The following LPCAT1 variants were observed in gnomAD, a reference collection of about 807,000 sequenced individuals.
LPCAT1 encodes lysophosphatidylcholine acyltransferase 1.
A neutral mutation model predicts 60.9 loss-of-function variants in LPCAT1; 23 were observed. That is an observed-to-expected ratio of 0.38 (90% confidence interval 0.27 to 0.53). LPCAT1 has a LOEUF of 0.53. LPCAT1 is among the 20% of genes least tolerant of loss of function. LPCAT1 has a pLI of 0.82. For synonymous variants in LPCAT1, 340 were observed against 301.1 expected (o/e 1.13, Z -1.34); for missense variants, 622 against 723.6 (o/e 0.86, Z 1.61).
intron 12 of LPCAT1, among the ~76,000 whole-genome samples, chr5:1,469,879 G>A (rs1471211961): frequency 2.0e-5 from 3 of 152,180 alleles, no homozygotes; most frequent in Non-Finnish European, 4.4e-5. Context: ...GGCCCTAGGA[G>A]GCAGGCTGCC....
At chr5:1,493,341 C>T (rs139140008) in intron 3 of LPCAT1, among the ~76,000 whole-genome samples, 516 of 152,402 alleles carry the variant, frequency 3.4e-3, no homozygotes, top group Non-Finnish European at 5.7e-3. Context: ...ACCCCACTTC[C>T]AGCCTTCCTA....
intron 11 of LPCAT1, among the ~76,000 whole-genome samples, chr5:1,471,711 T>G: frequency 7.0e-6 from 1 of 143,146 alleles, no homozygotes. Flanking sequence ...CATCCAGGGG[T>G]AGAGGGAGGG....
At chr5:1,479,212 A>C (rs531787014) in intron 8 of LPCAT1, among the ~76,000 whole-genome samples, 19 of 152,298 alleles carry the variant, frequency 1.2e-4, no homozygotes, top group African/African-American at 4.6e-4. Context: ...CCTAGGCAAC[A>C]AAGTGAGACC....
chr5:1,491,575 G>A (rs1735585024), intron 3 of LPCAT1, among the ~76,000 whole-genome samples: 1 of 152,176 alleles, frequency 6.6e-6, no homozygotes, highest in Non-Finnish European at 1.5e-5. Flanking sequence ...TGCCTTTCAC[G>A]CTGAGAACTG....
intron 2 of LPCAT1, among the ~76,000 whole-genome samples, chr5:1,498,942 C>T (rs7715002): frequency 0.017 from 2,650 of 151,624 alleles, 75 homozygotes; most frequent in African/African-American, 0.059. Context: ...CACATACACA[C>T]CCTCTCTGCA....
intron 8 of LPCAT1, among the ~76,000 whole-genome samples, chr5:1,478,494 C>T (rs1423538326): frequency 6.6e-6 from 1 of 152,256 alleles, no homozygotes; most frequent in East Asian, 1.9e-4. Context: ...CACCAGGGAG[C>T]CCTCAGGAGC....
chr5:1,465,353 C>T (rs753231167), intron 13 of LPCAT1, among the ~76,000 whole-genome samples: 23 of 146,976 alleles, frequency 1.6e-4, no homozygotes, highest in Non-Finnish European at 3.0e-4. Flanking sequence ...AACACACATG[C>T]GCACGCACAA....
At chr5:1,501,664 C>T in intron 1 of LPCAT1, 61 bp from the exon 2 acceptor site, 4 of 1,559,414 alleles carry the variant, frequency 2.6e-6, no homozygotes, top group African/African-American at 1.4e-5. Context: ...AGCTCCCCAC[C>T]CGGCAGAGGC....
At chr5:1,468,343 C>T (rs1330542591) in intron 12 of LPCAT1, among the ~76,000 whole-genome samples, 1 of 152,224 alleles carries the variant, frequency 6.6e-6, no homozygotes, top group African/African-American at 2.4e-5. Flanking sequence ...CACGTTGGTG[C>T]TGCTGGAGCC....
Position 1,501,489 on chromosome 5 carries a change from G to T in LPCAT1, c.250C>A (p.Pro84Thr), listed in dbSNP as rs1242623674. The change falls in exon 2 of 14, where the codon CCC (proline) becomes ACC (threonine). Residue 84 changes from proline to threonine, a missense_variant. Pro to Thr is a conservative substitution (Grantham distance 38, BLOSUM62 -1). Transcript: ENST00000283415. ...CTCCACAGGGCCGGGGGCTGCTCGG[G>T]TTCCTTCTCCGCAGAGCCCAGGGAT... ...VASLGSAEKE[P>T]EQPPALWRKV... 2 of 1,613,452 alleles carry T rather than the reference G, an allele frequency of 1.2e-6. No individual in the cohort carries two copies. Among genetic ancestry groups the T allele is most frequent in the African/African-American group, 2.7e-5 (2 of 74,922 alleles).
At position 1,501,540 on chromosome 5, in the gene LPCAT1, G is replaced by C. The variant is rs150608796; in HGVS notation, c.199C>G (p.Leu67Val). Residue 67 changes from leucine (L) to valine (V), a missense_variant, in exon 2 of 14, where the codon CTG (leucine) becomes GTG (valine). Coordinates refer to ENST00000283415, the MANE Select transcript of LPCAT1 (RefSeq NM_024830.5). ...RLLVAAAMML[L>V]AWPLALVASL... ...GCGACAAGTGCGAGGGGCCAGGCCA[G>C]CAGCATCATGGCAGCGGCAACCAGG... is the stretch of plus-strand genomic sequence containing the variant. 1 of 1,614,044 alleles carries C rather than the reference G, an allele frequency of 6.2e-7. No individual in the cohort carries two copies. The highest frequency in any genetic ancestry group is 8.5e-7 in the Non-Finnish European group (1 of 1,179,950).
intron 5 of LPCAT1, among the ~76,000 whole-genome samples, chr5:1,485,273 A>T (rs1326821523): frequency 6.6e-6 from 1 of 152,162 alleles, no homozygotes; most frequent in Non-Finnish European, 1.5e-5. Flanking sequence ...GACTTCATGG[A>T]AACCCCGGTG....
chr5:1,523,388 T>G lies in LPCAT1; in HGVS notation c.135+322A>C, dbSNP rs1264678248. Among the ~76,000 whole-genome samples, 1 of 150,958 alleles carries G rather than the reference T, an allele frequency of 6.6e-6. No homozygotes were observed. The highest frequency in any genetic ancestry group is 1.9e-4 in the East Asian group (1 of 5,146). On this transcript the variant is annotated intron_variant, in intron 1 of 13. Coordinates refer to ENST00000283415, the MANE Select transcript of LPCAT1 (RefSeq NM_024830.5). This position sits in a 1 kb window ranked among gnomAD's most constrained non-coding sequence, Gnocchi z 7.1. ...GGGCTCTGGGAGGCAGAGAAAGGGTTGTGGGCCCGGTTCAGGGTGCAGGGG... is the reference window on the plus strand; with the variant it reads ...GGGCTCTGGGAGGCAGAGAAAGGGTGGTGGGCCCGGTTCAGGGTGCAGGGG...
At position 1,480,202 on chromosome 5, in the gene LPCAT1, C is replaced by A; in HGVS notation, c.762-527G>T. ...CTGTCATGCCAGCCCCAGCCCTAGG[C>A]CCCCGGGACCCCAGAACCCCTATAC... On this transcript the variant is annotated intron_variant, in intron 7 of 13. Coordinates refer to ENST00000283415, the MANE Select transcript of LPCAT1 (RefSeq NM_024830.5). This position sits in a 1 kb window ranked among gnomAD's most constrained non-coding sequence, Gnocchi z 6.4. 2 of 358,770 alleles carry A rather than the reference C, an allele frequency of 5.6e-6. No individual in the cohort carries two copies. Among genetic ancestry groups the A allele is most frequent in the Non-Finnish European group, 7.8e-6 (2 of 257,318 alleles). The allele number at this position is 358,770 out of a possible 1,614,324, so 22.2% of individuals were successfully genotyped here.
intron 1 of LPCAT1, among the ~76,000 whole-genome samples, chr5:1,511,256 T>G (rs1242449217): frequency 1.3e-5 from 2 of 152,142 alleles, no homozygotes; most frequent in Non-Finnish European, 2.9e-5. Context: ...GGGGTTGACC[T>G]CCCCGGCGCG....
At chr5:1,517,020 C>T (rs971099080) in intron 1 of LPCAT1, among the ~76,000 whole-genome samples, 1 of 152,236 alleles carries the variant, frequency 6.6e-6, no homozygotes, top group Non-Finnish European at 1.5e-5. Context: ...GTGGGTTTCA[C>T]AGGGACAAAC....
At chr5:1,509,623 G>A (rs1457376771) in intron 1 of LPCAT1, among the ~76,000 whole-genome samples, 4 of 152,170 alleles carry the variant, frequency 2.6e-5, no homozygotes, top group East Asian at 1.9e-4. Flanking sequence ...AGCACCCACA[G>A]ACACAAACCG....
intron 9 of LPCAT1, among the ~76,000 whole-genome samples, chr5:1,475,917 G>A (rs1449236193): frequency 6.6e-6 from 1 of 152,194 alleles, no homozygotes; most frequent in Non-Finnish European, 1.5e-5. Context: ...GTCCGAGGCT[G>A]CTTCTCCCTC....
Position 1,483,076 on chromosome 5 carries a change from G to A in LPCAT1, c.726+352C>T, listed in dbSNP as rs778110374. ...TGGGGGCCCTGGCCGGTGATGTGGG[G>A]TGGAGGGGTTCCCTCTCCAAAATGT... On this transcript the variant is annotated intron_variant, in intron 6 of 13. Coordinates refer to ENST00000283415, the MANE Select transcript of LPCAT1 (RefSeq NM_024830.5). The surrounding 1 kb of genome is among the most constrained non-coding windows in gnomAD (Gnocchi z 9.2). Among the ~76,000 whole-genome samples, 3 of 152,204 alleles carry A rather than the reference G, an allele frequency of 2.0e-5. No homozygotes were observed. Among genetic ancestry groups the A allele is most frequent in the Non-Finnish European group, 2.9e-5 (2 of 68,032 alleles).
Sources: allele counts gnomAD v4.1 joint callset (sites outside exome capture counted in the v4.1 genomes callset), GRCh38; gene constraint gnomAD v4.1.1; non-coding constraint Gnocchi (gnomAD v3.1); transcripts MANE v1.5; gene names NCBI Gene and HGNC (gene_info 2026-07-23, HGNC 2026-07-21).